The following PPP4R3B variants were observed in gnomAD, a reference collection of about 807,000 sequenced individuals.
The protein encoded by PPP4R3B is serine/threonine-protein phosphatase 4 regulatory subunit 3B.
Under a neutral mutation model 95.4 loss-of-function variants are expected in PPP4R3B, and 52 were observed. The ratio of observed to expected loss-of-function variants is 0.54; its 90% CI spans 0.44 to 0.69. The LOEUF (loss-of-function observed/expected upper bound fraction) is 0.69, where lower values mean the gene tolerates loss of function less well. PPP4R3B is among the 30% of genes least tolerant of loss of function. The pLI is 0.00. For synonymous variants in PPP4R3B, 407 were observed against 343.9 expected, an observed-to-expected ratio of 1.18 and a Z score of -2.03; for missense variants, 1,003 against 1,005.9, an observed-to-expected ratio of 1.00 and a Z score of 0.04.
chr2:55,613,167 G>C (rs1694417577), intron 2 of PPP4R3B, among the ~76,000 whole-genome samples: 4 of 152,064 alleles, frequency 2.6e-5, no homozygotes, highest in Admixed American at 2.6e-4. Context: ...GAAAAACCAT[G>C]TCTATTACAA....
chr2:55,557,638 G>C (rs13030396), intron 16 of PPP4R3B, among the ~76,000 whole-genome samples: 16,759 of 152,134 alleles, frequency 0.11, 1,116 homozygotes, highest in East Asian at 0.24. Context: ...CTATACTACT[G>C]AATGAAAATT....
At chr2:55,565,081 T>C in intron 13 of PPP4R3B, 40 bp from the exon 14 acceptor site, 1 of 1,450,758 alleles carries the variant, frequency 6.9e-7, no homozygotes, top group Non-Finnish European at 9.2e-7. Context: ...TATAATACAA[T>C]GCTTGTTAGA....
intron 2 of PPP4R3B, among the ~76,000 whole-genome samples, chr2:55,607,399 TA>T (rs1243370014): frequency 6.6e-6 from 1 of 152,240 alleles, no homozygotes; most frequent in Non-Finnish European, 1.5e-5. Context: ...CAAACGGCTA[TA>T]AATCAGGCTT....
At position 55,588,831 on chromosome 2, in the gene PPP4R3B, A is replaced by C. The variant is rs377146709; in HGVS notation, c.999+48T>G. The C allele has an allele frequency of 2.4e-6, 3 of 1,271,246 alleles. No individual in the cohort carries two copies. The African/African-American group carries it at 4.5e-5, about 19-fold the overall frequency. 78.7% of individuals were successfully genotyped at this position (1,271,246 alleles called of 1,614,324 possible). ...GCAAATTCAAGATTAAAAGCTGTGCATGCCAAAAGAATAAGTGCTCTTTAA... is the reference window on the plus strand; with the variant it reads ...GCAAATTCAAGATTAAAAGCTGTGCCTGCCAAAAGAATAAGTGCTCTTTAA... On this transcript the variant is annotated intron_variant, in intron 5 of 16. Coordinates refer to ENST00000616407, the MANE Select transcript of PPP4R3B (RefSeq NM_001122964.3).
At chr2:55,612,787 T>C (rs1267967195) in intron 2 of PPP4R3B, among the ~76,000 whole-genome samples, 1 of 151,550 alleles carries the variant, frequency 6.6e-6, no homozygotes, top group Non-Finnish European at 1.5e-5. Context: ...TACTAAAAAA[T>C]ACAAAAAAAT....
chr2:55,610,038 C>T (rs1417014598), intron 2 of PPP4R3B, among the ~76,000 whole-genome samples: 1 of 152,006 alleles, frequency 6.6e-6, no homozygotes, highest in Non-Finnish European at 1.5e-5. Flanking sequence ...TAATGTAAAC[C>T]TGCTTAACTT....
At chr2:55,557,759 T>C (rs1169473172) in intron 16 of PPP4R3B, among the ~76,000 whole-genome samples, 1 of 152,148 alleles carries the variant, frequency 6.6e-6, no homozygotes, top group African/African-American at 2.4e-5. Context: ...TCTACCTTTA[T>C]ACAATAGTTG....
rs1210360848 is a variant in PPP4R3B, at chr2:55,617,561, C to G, written c.-276G>C. ...CCCCCAGGGCTCGCTTGCTCTCCCG[C>G]CGCCGCGGTAACTACTACAGATCCG... On this transcript the variant is annotated 5_prime_UTR_variant, in exon 1 of 17. Coordinates refer to ENST00000616407, the MANE Select transcript of PPP4R3B (RefSeq NM_001122964.3). 2.7e-6 allele frequency: 1 copy of G among 364,530 alleles called. No individual in the cohort carries two copies. Among genetic ancestry groups the G allele is most frequent in the Non-Finnish European group, 5.0e-6 (1 of 199,780 alleles). The allele number at this position is 364,530 out of a possible 1,614,324, so 22.6% of individuals were successfully genotyped here. A position where few individuals can be genotyped will look rare whatever the true frequency, so the allele number is the denominator to read the frequency against.
At chr2:55,564,760 G>T in intron 14 of PPP4R3B, 142 bp downstream of exon 14, 1 of 897,296 alleles carries the variant, frequency 1.1e-6, no homozygotes, top group Non-Finnish European at 1.7e-6. Context: ...GGGTAGGGGG[G>T]ACGCCTTACC....
In PPP4R3B at chr2:55,559,719, CAATT is replaced by C. The variant is rs1373337993; in HGVS notation, c.2261-755_2261-752del. 3.9e-5 allele frequency among the ~76,000 whole-genome samples: 6 copies of C among 152,308 alleles called. No homozygotes were observed. In the East Asian group the frequency reaches 7.7e-4, roughly 20 times the overall value. On this transcript the variant is annotated intron_variant, in intron 15 of 16. Transcript: ENST00000616407. ...TCCCCAGCTATGTGGAATTTTAAGT[CAATT>C]ATACCTCTTTTCTTCATAAATTACA...
intron 2 of PPP4R3B, among the ~76,000 whole-genome samples, chr2:55,607,377 C>G (rs1693564552): frequency 1.3e-5 from 2 of 152,196 alleles, no homozygotes; most frequent in African/African-American, 4.8e-5. Context: ...CGTTGTTTTA[C>G]CTGTTTCCAA....
intron 2 of PPP4R3B, among the ~76,000 whole-genome samples, chr2:55,606,144 C>A (rs1693358693): frequency 6.6e-6 from 1 of 152,106 alleles, no homozygotes; most frequent in Non-Finnish European, 1.5e-5. Context: ...AATAGCTTCA[C>A]AAACAGTGAT....
intron 12 of PPP4R3B, 57 bp downstream of exon 12, chr2:55,573,562 G>A: frequency 1.4e-6 from 2 of 1,435,046 alleles, no homozygotes; most frequent in Non-Finnish European, 1.9e-6. Context: ...CTTCAAATGG[G>A]TAACTTCAGT....
intron 2 of PPP4R3B, among the ~76,000 whole-genome samples, chr2:55,610,454 A>G (rs1021381998): frequency 6.6e-6 from 1 of 152,146 alleles, no homozygotes; most frequent in Admixed American, 6.5e-5. Context: ...AATAGGCTTA[A>G]TACCTTTTGT....
At chr2:55,586,939 A>G (rs1559005558) in intron 5 of PPP4R3B, among the ~76,000 whole-genome samples, 1 of 152,346 alleles carries the variant, frequency 6.6e-6, no homozygotes, top group East Asian at 1.9e-4. Flanking sequence ...GCTATTAAGC[A>G]AAAAGAGAAA....
chr2:55,574,170 A>T (rs1264385440), intron 11 of PPP4R3B, among the ~76,000 whole-genome samples: 1 of 151,508 alleles, frequency 6.6e-6, no homozygotes, highest in African/African-American at 2.4e-5. Context: ...TGGGATTACA[A>T]GTGTAAGCCC....
At chr2:55,609,859 G>A (rs1171995500) in intron 2 of PPP4R3B, among the ~76,000 whole-genome samples, 1 of 152,078 alleles carries the variant, frequency 6.6e-6, no homozygotes, top group Non-Finnish European at 1.5e-5. Context: ...CATACCTCCA[G>A]CAAGATATAT....
rs1335994270 is a variant in PPP4R3B, at chr2:55,548,862, G to A, written c.*1049C>T. 1.3e-5 allele frequency: 2 copies of A among 152,504 alleles called. No individual in the cohort carries two copies. The highest frequency in any genetic ancestry group is 3.9e-4 in the East Asian group (2 of 5,188). 9.4% of individuals were successfully genotyped at this position (152,504 alleles called of 1,614,324 possible). ...ATTTTTAAAATTCACTTACGTATAT[G>A]GAATGTGCTTTTACTCTTCTTAAAA... On this transcript the variant is annotated 3_prime_UTR_variant, in exon 17 of 17. Coordinates refer to ENST00000616407, the MANE Select transcript of PPP4R3B (RefSeq NM_001122964.3).
chr2:55,551,106 C>G lies in PPP4R3B; in HGVS notation c.2455-1100G>C, dbSNP rs550777020. ...TGGGCTTATGCCTGTAATCCCAGCA[C>G]TTTGGGAGATCGAGGCGGATGGGTC... On this transcript the variant is annotated intron_variant, in intron 16 of 16. Transcript: ENST00000616407. 4.6e-5 allele frequency among the ~76,000 whole-genome samples: 7 copies of G among 152,138 alleles called. No homozygotes were observed. The East Asian group carries it at 9.7e-4, about 21-fold the overall frequency.
Sources: allele counts gnomAD v4.1 joint callset (sites outside exome capture counted in the v4.1 genomes callset), GRCh38; gene constraint gnomAD v4.1.1; transcripts MANE v1.5; gene names NCBI Gene and HGNC (gene_info 2026-07-23, HGNC 2026-07-21).